TRHDE: variants seen among roughly 807,000 people sequenced by gnomAD.
TRHDE encodes the protein thyrotropin releasing hormone degrading enzyme.
A neutral mutation model predicts 125.7 loss-of-function variants in TRHDE; 72 were observed. That is an observed-to-expected ratio of 0.57 (90% CI 0.47 to 0.70). The LOEUF (loss-of-function observed/expected upper bound fraction) is 0.70, where lower values mean the gene tolerates loss of function less well. Ranked by LOEUF, TRHDE falls within the 30% of genes least tolerant of loss-of-function variation. The pLI is 0.00. For missense variants in TRHDE, 1,110 were observed against 1,327.1 expected, an observed-to-expected ratio of 0.84 and a Z score of 2.54; for synonymous variants, 509 against 509.1, an observed-to-expected ratio of 1.00 and a Z score of 0.00.
In TRHDE at chr12:72,262,018, AT is replaced by A. The variant is rs575162024; in HGVS notation, n.280-115975del. On this transcript the variant is annotated intron_variant and non_coding_transcript_variant, in intron 2 of 4. Coordinates refer to the TRHDE transcript ENST00000548156. Reference sequence around the variant, plus strand: ...GTTCCTCAGGCCTAATTCTTTTAGAATTGTGGGAACAGACAGGAGGTGAAGA... The same window carrying A: ...GTTCCTCAGGCCTAATTCTTTTAGAATGTGGGAACAGACAGGAGGTGAAGA... 3.0e-3 allele frequency among the ~76,000 whole-genome samples: 455 copies of A among 152,314 alleles called. 3 individuals are homozygous for A. Among genetic ancestry groups the A allele is most frequent in the Non-Finnish European group, 4.3e-3 (292 of 68,016 alleles).
intron 6 of TRHDE, among the ~76,000 whole-genome samples, chr12:72,518,747 T>G (rs1879016725): frequency 1.3e-5 from 2 of 152,210 alleles, no homozygotes; most frequent in African/African-American, 2.4e-5. Context: ...GCCTCGATGG[T>G]CTTTACATTT....
intron 2 of TRHDE, among the ~76,000 whole-genome samples, chr12:72,118,085 T>G (rs1875491199): frequency 6.6e-6 from 1 of 152,110 alleles, no homozygotes; most frequent in Non-Finnish European, 1.5e-5. Flanking sequence ...TTACTCTAGC[T>G]AGGACTTCTA....
In TRHDE at chr12:72,421,536, C is replaced by G. The variant is rs535678436; in HGVS notation, c.1315+43415C>G. Among the ~76,000 whole-genome samples, 4 of 152,260 alleles carry G rather than the reference C, an allele frequency of 2.6e-5. No homozygotes were observed. In the East Asian group the frequency reaches 5.8e-4, roughly 22 times the overall value. On this transcript the variant is annotated intron_variant, in intron 3 of 18. Transcript: ENST00000261180. ...AGATGTAGGGCTTCTTTTGATCTGG[C>G]CTCTAAAGTTATGTGGCATTATTTT...
At chr12:72,342,996 G>A (rs575984513) in intron 2 of TRHDE, among the ~76,000 whole-genome samples, 3 of 152,202 alleles carry the variant, frequency 2.0e-5, no homozygotes, top group Admixed American at 6.5e-5. Context: ...TACCTCCATC[G>A]TGTAACTAAG....
At chr12:72,475,808 A>G in intron 5 of TRHDE, among the ~76,000 whole-genome samples, 1 of 152,232 alleles carries the variant, frequency 6.6e-6, no homozygotes, top group South Asian at 2.1e-4. Flanking sequence ...GGTGTCACAG[A>G]AAACTCATCC....
intron 12 of TRHDE, among the ~76,000 whole-genome samples, chr12:72,614,330 A>ATATATATATATATATTTT (rs531067163): frequency 2.5e-4 from 32 of 129,834 alleles, no homozygotes; most frequent in African/African-American, 9.5e-4. Context: ...ATATATATAT[A>ATATATATATATATATTTT]TTTTTTTTTT....
At chr12:72,585,154 T>C (rs965888599) in intron 12 of TRHDE, among the ~76,000 whole-genome samples, 5 of 152,158 alleles carry the variant, frequency 3.3e-5, no homozygotes, top group African/African-American at 4.8e-5. Flanking sequence ...CTACAAGTCA[T>C]TTTATGTCTG....
intron 15 of TRHDE, among the ~76,000 whole-genome samples, chr12:72,637,985 T>G (rs1592588714): frequency 1.3e-5 from 2 of 151,928 alleles, no homozygotes; most frequent in African/African-American, 4.8e-5. Context: ...ATTCTGTCGA[T>G]TTGGGGTGGA....
At chr12:72,660,262 C>T (rs779104912) in intron 18 of TRHDE, among the ~76,000 whole-genome samples, 3 of 152,282 alleles carry the variant, frequency 2.0e-5, no homozygotes, top group Non-Finnish European at 2.9e-5. Flanking sequence ...ACCAGAAGTA[C>T]GGGAGGAACG....
intron 2 of TRHDE, chr12:72,264,140 C>T (rs1386863356): frequency 6.6e-6 from 1 of 152,022 alleles, no homozygotes; most frequent in Non-Finnish European, 1.5e-5. Context: ...ATTATAACAT[C>T]TCTAATACAT....
rs149031850 is a variant in TRHDE, at chr12:72,339,124, A to G, written c.1189-38871A>G. Among the ~76,000 whole-genome samples, 4 of 152,262 alleles carry G rather than the reference A, an allele frequency of 2.6e-5. No homozygotes were observed. In the East Asian group the frequency reaches 7.7e-4, roughly 29 times the overall value. On this transcript the variant is annotated intron_variant, in intron 2 of 18. Coordinates refer to ENST00000261180, the MANE Select transcript of TRHDE (RefSeq NM_013381.3). ...TTTCCAGCACGGTGGAGCAATCCCT[A>G]TGTAAAAGTCCACCTTCTTCACATC...
At chr12:72,214,378 G>T (rs1228224492) in intron 2 of TRHDE, among the ~76,000 whole-genome samples, 1 of 152,080 alleles carries the variant, frequency 6.6e-6, no homozygotes, top group East Asian at 1.9e-4. Context: ...TCCTCCTTTA[G>T]GTTACTCACA....
At chr12:72,443,624 T>C (rs1384349414) in intron 3 of TRHDE, among the ~76,000 whole-genome samples, 1 of 151,740 alleles carries the variant, frequency 6.6e-6, no homozygotes, top group African/African-American at 2.4e-5. Context: ...ACATTTTGCA[T>C]TAAGCTGTAT....
At chr12:72,662,740 TC>T (rs1427836210) in intron 18 of TRHDE, among the ~76,000 whole-genome samples, 2 of 152,172 alleles carry the variant, frequency 1.3e-5, no homozygotes, top group Non-Finnish European at 2.9e-5. Context: ...TTTGAAATGA[TC>T]AATTAAATGT....
intron 6 of TRHDE, among the ~76,000 whole-genome samples, chr12:72,519,598 A>C (rs972557281): frequency 5.3e-5 from 8 of 152,292 alleles, no homozygotes; most frequent in South Asian, 2.1e-4. Flanking sequence ...AATGTCCTCC[A>C]GTAGCTCGGA....
At chr12:72,622,608 A>G (rs552246100) in intron 15 of TRHDE, among the ~76,000 whole-genome samples, 4 of 152,164 alleles carry the variant, frequency 2.6e-5, no homozygotes, top group Admixed American at 2.6e-4. Context: ...TGTTCCTGAT[A>G]TGCATGTGAG....
chr12:72,620,172 A>G (rs768144367), intron 13 of TRHDE, among the ~76,000 whole-genome samples: 43 of 152,016 alleles, frequency 2.8e-4, no homozygotes, highest in Non-Finnish European at 1.3e-4. Flanking sequence ...ATTTTTGAAT[A>G]TATTTGTACA....
intron 1 of TRHDE, among the ~76,000 whole-genome samples, chr12:72,284,323 AGGGAG>A (rs1879802393): frequency 6.6e-6 from 1 of 152,162 alleles, no homozygotes; most frequent in Admixed American, 6.5e-5. Context: ...CGAAGTTAAA[AGGGAG>A]TAACTTCGAC....
intron 2 of TRHDE, among the ~76,000 whole-genome samples, chr12:72,366,580 A>C (rs1871348070): frequency 6.6e-6 from 1 of 152,034 alleles, no homozygotes; most frequent in Non-Finnish European, 1.5e-5. Flanking sequence ...CACAGTAAGG[A>C]GTGAAAAGAC....
Sources: gnomAD v4.1 joint callset for allele counts (sites outside exome capture counted in the v4.1 genomes callset) on GRCh38, gnomAD v4.1.1 for gene constraint, MANE v1.5 for transcripts, NCBI Gene and HGNC (gene_info 2026-07-23, HGNC 2026-07-21) for gene names.